TTC23L: variants seen among roughly 807,000 people sequenced by gnomAD.
The protein encoded by TTC23L is tetratricopeptide repeat domain 23 like.
TTC23L carries 42 observed loss-of-function variants against 48.1 expected under a neutral mutation model. The ratio of observed to expected loss-of-function variants is 0.87; its 90% CI spans 0.68 to 1.13. The LOEUF is 1.13. TTC23L is among the 50% of genes most tolerant of loss of function. TTC23L has a pLI of 0.00. For synonymous variants in TTC23L, 159 were observed against 157.2 expected (o/e 1.01, Z -0.09); for missense variants, 391 against 421.0 (o/e 0.93, Z 0.62).
chr5:34,892,760 G>A (rs953465099), intron 9 of TTC23L, among the ~76,000 whole-genome samples: 4 of 152,142 alleles, frequency 2.6e-5, no homozygotes, highest in Non-Finnish European at 4.4e-5. Flanking sequence ...GCATAGTGGC[G>A]TAGATACCCG....
At chr5:34,876,331 C>T (rs1286109213) in intron 8 of TTC23L, among the ~76,000 whole-genome samples, 1 of 151,954 alleles carries the variant, frequency 6.6e-6, no homozygotes, top group African/African-American at 2.4e-5. Context: ...AAAGCTGATT[C>T]TCTGAATAGA....
downstream of TTC23L, among the ~76,000 whole-genome samples, chr5:34,903,453 C>T (rs1346255788): frequency 1.3e-5 from 2 of 152,096 alleles, no homozygotes; most frequent in African/African-American, 4.8e-5. Context: ...ACATTTGTGA[C>T]AACTGATGAA....
chr5:34,875,403 G>A (rs113116288), intron 8 of TTC23L, among the ~76,000 whole-genome samples: 5 of 152,230 alleles, frequency 3.3e-5, no homozygotes, highest in African/African-American at 1.2e-4. Flanking sequence ...TCAAGCTGAG[G>A]AGCAAGGAAG....
At chr5:34,918,252 C>G in the TTC23L span, 3 of 526,068 alleles carry the variant, frequency 5.7e-6, no homozygotes, top group Non-Finnish European at 1.0e-5. Context: ...GAACTTGAAA[C>G]TGCAGTGAGC....
chr5:34,922,453 T>C, the TTC23L span: 1 of 956,086 alleles, frequency 1.0e-6, no homozygotes, highest in Non-Finnish European at 1.6e-6. Context: ...GTATAAATAT[T>C]ATAAGCATAT....
intron 3 of TTC23L, among the ~76,000 whole-genome samples, chr5:34,848,695 G>A (rs1284137962): frequency 1.3e-5 from 2 of 152,204 alleles, no homozygotes; most frequent in South Asian, 2.1e-4. Flanking sequence ...GGAGCAGCAC[G>A]TGCACAGCCC....
intron 9 of TTC23L, among the ~76,000 whole-genome samples, chr5:34,882,546 A>G (rs62356979): frequency 0.14 from 20,780 of 151,114 alleles, 1,615 homozygotes; most frequent in Middle Eastern, 0.22. Context: ...TCCAAGCTTC[A>G]TGTGAGGCTC....
At chr5:34,891,211 G>A (rs191270066) in intron 9 of TTC23L, among the ~76,000 whole-genome samples, 13 of 152,210 alleles carry the variant, frequency 8.5e-5, no homozygotes, top group South Asian at 2.1e-4. Context: ...TTGTATCACC[G>A]TATTATTGTT....
At chr5:34,886,919 C>T (rs963499357) in intron 9 of TTC23L, among the ~76,000 whole-genome samples, 1 of 152,166 alleles carries the variant, frequency 6.6e-6, no homozygotes, top group African/African-American at 2.4e-5. Context: ...ATTTCCCTTC[C>T]AGAGAGCTCA....
At chr5:34,867,324 C>A (rs1761141073) in intron 7 of TTC23L, 1 of 532,446 alleles carries the variant, frequency 1.9e-6, no homozygotes, top group African/African-American at 1.9e-5. Context: ...CCCCTCTTAT[C>A]TCTGTTGGTG....
At chr5:34,914,625 A>C in the TTC23L span, 1 of 1,496,304 alleles carries the variant, frequency 6.7e-7, no homozygotes, top group Non-Finnish European at 9.3e-7. Context: ...TGTCTACTGA[A>C]ACCTTCCGAT....
At chr5:34,900,929 T>C (rs551047244), downstream of TTC23L, among the ~76,000 whole-genome samples, 1 of 152,384 alleles carries the variant, frequency 6.6e-6, no homozygotes, top group African/African-American at 2.4e-5. Context: ...AGGAGGCAGC[T>C]ACAAAATGAT....
At chr5:34,885,212 C>A (rs947748345) in intron 9 of TTC23L, among the ~76,000 whole-genome samples, 4 of 151,978 alleles carry the variant, frequency 2.6e-5, no homozygotes, top group Admixed American at 2.6e-4. Flanking sequence ...TTATGAAAGA[C>A]CAAAAGGGCA....
At chr5:34,921,218 G>C in the TTC23L span, 5 of 152,340 alleles carry the variant, frequency 3.3e-5, no homozygotes, top group East Asian at 9.6e-4. Context: ...GAATACTACA[G>C]TAATACAAGC....
chr5:34,875,308 A>G (rs1313137087), intron 8 of TTC23L, among the ~76,000 whole-genome samples: 4 of 152,206 alleles, frequency 2.6e-5, no homozygotes, highest in Non-Finnish European at 5.9e-5. Context: ...GGACATAACT[A>G]ATAGGATAGA....
chr5:34,923,029 T>C, the TTC23L span: 2 of 1,547,006 alleles, frequency 1.3e-6, no homozygotes, highest in Non-Finnish European at 1.8e-6. Flanking sequence ...CATTATGCTT[T>C]GTTAAAAGAA....
chr5:34,894,443 A>G (rs542829437), intron 9 of TTC23L, among the ~76,000 whole-genome samples: 3 of 152,334 alleles, frequency 2.0e-5, no homozygotes, highest in Admixed American at 6.5e-5. Context: ...AGCAATATAT[A>G]TAGCATAACT....
intron 1 of TTC23L, among the ~76,000 whole-genome samples, chr5:34,840,031 A>C (rs1758480003): frequency 6.6e-6 from 1 of 152,174 alleles, no homozygotes; most frequent in Non-Finnish European, 1.5e-5. Context: ...AGCTGGAACT[A>C]CAGGCGTGCA....
At chr5:34,922,769 G>A in the TTC23L span, 1 of 1,613,486 alleles carries the variant, frequency 6.2e-7, no homozygotes, top group Admixed American at 1.7e-5. Flanking sequence ...TTTTGACCCT[G>A]TAAGTTTCTC....
Sources: gnomAD v4.1 joint callset for allele counts (sites outside exome capture counted in the v4.1 genomes callset) on GRCh38, gnomAD v4.1.1 for gene constraint, MANE v1.5 for transcripts, NCBI Gene and HGNC (gene_info 2026-07-23, HGNC 2026-07-21) for gene names.